ST6GAL1: variants seen among roughly 807,000 people sequenced by gnomAD.
The protein encoded by ST6GAL1 is ST6 beta-galactoside alpha-2,6-sialyltransferase 1, also known as beta-galactoside alpha-2,6-sialyltransferase 1.
ST6GAL1 carries 20 observed loss-of-function variants against 38.0 expected under a neutral mutation model. That is an observed-to-expected ratio of 0.53 (90% CI 0.37 to 0.77). The LOEUF (loss-of-function observed/expected upper bound fraction) is 0.77, where lower values mean the gene tolerates loss of function less well. Ranked by LOEUF, ST6GAL1 falls within the 30% of genes least tolerant of loss-of-function variation. The pLI is 0.00. For synonymous variants in ST6GAL1, 196 were observed against 188.2 expected, an observed-to-expected ratio of 1.04 and a Z score of -0.34; for missense variants, 432 against 496.4, an observed-to-expected ratio of 0.87 and a Z score of 1.23.
chr3:186,936,093 A>AAT (rs1713943757), intron 1 of ST6GAL1, among the ~76,000 whole-genome samples: 2 of 152,174 alleles, frequency 1.3e-5, no homozygotes, highest in South Asian at 4.1e-4. Context: ...CCCTTGCTTA[A>AAT]AACACTTTTG....
intron 2 of ST6GAL1, among the ~76,000 whole-genome samples, chr3:187,022,774 AT>A (rs1239134663): frequency 6.6e-6 from 1 of 152,118 alleles, no homozygotes; most frequent in Non-Finnish European, 1.5e-5. Context: ...AAATATTTTA[AT>A]TTCCTTCAGA....
chr3:186,979,380 C>T (rs1281068094), intron 2 of ST6GAL1, among the ~76,000 whole-genome samples: 2 of 152,120 alleles, frequency 1.3e-5, no homozygotes, highest in African/African-American at 2.4e-5. Flanking sequence ...GGAGGCCTTA[C>T]AGTTGGGAAG....
chr3:186,933,625 A>C (rs1252917216), intron 1 of ST6GAL1, among the ~76,000 whole-genome samples: 1 of 152,204 alleles, frequency 6.6e-6, no homozygotes, highest in Non-Finnish European at 1.5e-5. Context: ...AACTTCAGAA[A>C]TCATGTGACT....
intron 4 of ST6GAL1, among the ~76,000 whole-genome samples, 182 bp from the exon 5 acceptor site, chr3:187,051,067 C>T (rs552327461): frequency 6.6e-6 from 1 of 152,302 alleles, no homozygotes; most frequent in East Asian, 1.9e-4. Context: ...GACAGGTGGT[C>T]ATCTCTGCCT....
At chr3:187,026,273 C>T (rs774524558) in intron 2 of ST6GAL1, among the ~76,000 whole-genome samples, 1 of 152,078 alleles carries the variant, frequency 6.6e-6, no homozygotes, top group Non-Finnish European at 1.5e-5. Context: ...TGATAGAGCT[C>T]GGTGGGTAGG....
intron 2 of ST6GAL1, among the ~76,000 whole-genome samples, chr3:187,017,613 G>A (rs982219223): frequency 7.2e-5 from 11 of 152,154 alleles, no homozygotes; most frequent in African/African-American, 2.7e-4. Flanking sequence ...ACGGGTTCTA[G>A]CAATGACGTC....
Position 187,042,878 on chromosome 3 carries a change from G to C in ST6GAL1, c.175G>C (p.Asp59His). 1 of 1,614,184 alleles carries C rather than the reference G, an allele frequency of 6.2e-7. No individual in the cohort carries two copies. Among genetic ancestry groups the C allele is most frequent in the South Asian group, 1.1e-5 (1 of 91,078 alleles). The change falls in exon 4 of 8, where the codon GAT becomes CAT. Residue 59 changes from aspartate to histidine, a missense_variant. By Grantham distance (81) the Asp-to-His change is moderately conservative (BLOSUM62 -1). Transcript: ENST00000169298. ...TCTGGGGAAATTGGCCATGGGGTCT[G>C]ATTCCCAGTCTGTATCCTCAAGCAG... is the stretch of plus-strand genomic sequence containing the variant. ...KSLGKLAMGS[D>H]SQSVSSSSTQ...
intron 4 of ST6GAL1, among the ~76,000 whole-genome samples, chr3:187,050,387 G>A (rs1022489346): frequency 2.6e-5 from 4 of 152,176 alleles, no homozygotes; most frequent in Admixed American, 6.6e-5. Flanking sequence ...TCAACGTGGG[G>A]TAGAGAAACT....
intron 2 of ST6GAL1, chr3:186,974,885 GCTTTCTACC>G: frequency 6.6e-6 from 1 of 152,338 alleles, no homozygotes; most frequent in Admixed American, 6.5e-5. Context: ...GCAGGTTTCT[GCTTTCTACC>G]CTGTAACTCT....
chr3:187,063,376 A>AG (rs1296016297), intron 5 of ST6GAL1, among the ~76,000 whole-genome samples: 2 of 152,190 alleles, frequency 1.3e-5, no homozygotes, highest in African/African-American at 4.8e-5. Context: ...AAGGAGGCTG[A>AG]GGGGGAAAGA....
rs1487898989 is a variant in ST6GAL1 at position 187,075,130 on chromosome 3, T to C, written c.980-432T>C. 6.6e-6 allele frequency among the ~76,000 whole-genome samples: 1 copy of C among 152,152 alleles called. No individual in the cohort carries two copies. Among genetic ancestry groups the C allele is most frequent in the Non-Finnish European group, 1.5e-5 (1 of 68,038 alleles). On this transcript the variant is annotated intron_variant, in intron 7 of 7. Coordinates refer to ENST00000169298, the MANE Select transcript of ST6GAL1 (RefSeq NM_173216.2). The surrounding 1 kb of genome is among the most constrained non-coding windows in gnomAD (Gnocchi z 4.1). ...CTATAAGGAAAAATCTGCTCCCAAA[T>C]AGCACCATCCAAGAGGTTCTGCAGG... is the stretch of plus-strand genomic sequence containing the variant.
intron 2 of ST6GAL1, among the ~76,000 whole-genome samples, chr3:186,970,215 CT>C (rs34302492): frequency 0.52 from 68,695 of 132,702 alleles, 18,248 homozygotes; most frequent in Non-Finnish European, 0.63. Flanking sequence ...TTTTCTTTTT[CT>C]TTTTTTTTTT....
chr3:187,048,880 A>AATTTTTTTT (rs1286181913), intron 4 of ST6GAL1, among the ~76,000 whole-genome samples: 30 of 115,448 alleles, frequency 2.6e-4, no homozygotes, highest in African/African-American at 1.0e-3. Flanking sequence ...GAGAAATTGA[A>AATTTTTTTT]TTTTTTTTTT....
intron 2 of ST6GAL1, among the ~76,000 whole-genome samples, chr3:187,014,362 G>A (rs1232068721): frequency 6.6e-6 from 1 of 152,162 alleles, no homozygotes; most frequent in Non-Finnish European, 1.5e-5. Context: ...CTTGGTCTTT[G>A]GTCCCCTTTA....
chr3:186,990,022 C>G (rs1716103038), intron 2 of ST6GAL1, among the ~76,000 whole-genome samples: 1 of 152,194 alleles, frequency 6.6e-6, no homozygotes, highest in South Asian at 2.1e-4. Context: ...TCTGTACCAG[C>G]TCCATGACCT....
intron 4 of ST6GAL1, among the ~76,000 whole-genome samples, chr3:187,050,126 G>C (rs1428870442): frequency 6.6e-6 from 1 of 152,132 alleles, no homozygotes; most frequent in African/African-American, 2.4e-5. Context: ...TAATTCTGTG[G>C]ATATCCTCTT....
At chr3:187,027,896 G>A (rs1221958847) in intron 2 of ST6GAL1, among the ~76,000 whole-genome samples, 1 of 152,182 alleles carries the variant, frequency 6.6e-6, no homozygotes, top group East Asian at 1.9e-4. Flanking sequence ...GAAAAGCCAG[G>A]AGAAGTATAG....
At chr3:186,979,363 A>C (rs1190417314) in intron 2 of ST6GAL1, among the ~76,000 whole-genome samples, 1 of 152,146 alleles carries the variant, frequency 6.6e-6, no homozygotes, top group Non-Finnish European at 1.5e-5. Context: ...GGGGTGAAGT[A>C]ACAGTGGGAG....
chr3:187,010,640 TG>T (rs1716924230), intron 2 of ST6GAL1, among the ~76,000 whole-genome samples: 1 of 152,206 alleles, frequency 6.6e-6, no homozygotes, highest in Non-Finnish European at 1.5e-5. Context: ...GACTCCATCT[TG>T]GCTCTTTCAC....
Sources: gnomAD v4.1 joint callset for allele counts (sites outside exome capture counted in the v4.1 genomes callset) on GRCh38, gnomAD v4.1.1 for gene constraint, Gnocchi (gnomAD v3.1) non-coding constraint, MANE v1.5 for transcripts, NCBI Gene and HGNC (gene_info 2026-07-23, HGNC 2026-07-21) for gene names.